Variants in SBF2 observed in about 807,000 individuals in gnomAD.
SBF2 encodes SET binding factor 2.
SBF2 carries 112 observed loss-of-function variants against 225.2 expected under a neutral mutation model. The ratio of observed to expected loss-of-function variants is 0.50; its 90% confidence interval spans 0.43 to 0.58. The LOEUF (loss-of-function observed/expected upper bound fraction) is 0.58, where lower values mean the gene tolerates loss of function less well. SBF2 is among the 20% of genes least tolerant of loss of function. SBF2 has a pLI of 0.00. For missense variants in SBF2, 1,996 were observed against 2,206.2 expected (o/e 0.90, Z 1.91); for synonymous variants, 763 against 773.3 (o/e 0.99, Z 0.22).
At chr11:9,907,481 T>C (rs1236829757) in intron 16 of SBF2, among the ~76,000 whole-genome samples, 1 of 152,194 alleles carries the variant, frequency 6.6e-6, no homozygotes, top group Non-Finnish European at 1.5e-5. Flanking sequence ...TCTTTCCAAG[T>C]ACAATGTTAA....
intron 1 of SBF2, among the ~76,000 whole-genome samples, chr11:10,215,533 G>A (rs1474877321): frequency 6.6e-6 from 1 of 152,134 alleles, no homozygotes. Context: ...CAAGGTGGGA[G>A]GATCGCTTGA....
At chr11:10,266,032 AT>A (rs1021849081) in intron 1 of SBF2, among the ~76,000 whole-genome samples, 1 of 151,864 alleles carries the variant, frequency 6.6e-6, no homozygotes, top group Admixed American at 6.6e-5. Flanking sequence ...CCAACCTGCC[AT>A]TTTTTTTAGT....
chr11:10,250,348 C>T (rs920777335), intron 1 of SBF2, among the ~76,000 whole-genome samples: 5 of 152,284 alleles, frequency 3.3e-5, no homozygotes, highest in Admixed American at 1.3e-4. Context: ...GTAAGTCCAA[C>T]GCTAAGCATG....
At chr11:9,908,488 G>A (rs985738728) in intron 16 of SBF2, among the ~76,000 whole-genome samples, 2 of 151,836 alleles carry the variant, frequency 1.3e-5, no homozygotes, top group Non-Finnish European at 2.9e-5. Flanking sequence ...TTAGCCAGGC[G>A]TGGTGGCGGG....
At chr11:9,965,675 C>A (rs1383633425) in intron 14 of SBF2, among the ~76,000 whole-genome samples, 1 of 152,156 alleles carries the variant, frequency 6.6e-6, no homozygotes, top group Non-Finnish European at 1.5e-5. Context: ...ACCCAGCTTC[C>A]CCCTATGGTG....
At chr11:10,167,865 A>G (rs1956035567) in intron 2 of SBF2, among the ~76,000 whole-genome samples, 1 of 152,104 alleles carries the variant, frequency 6.6e-6, no homozygotes, top group South Asian at 2.1e-4. Flanking sequence ...TAAAACTACA[A>G]GTATCAGCTG....
chr11:10,116,780 T>C (rs998263312), intron 2 of SBF2, among the ~76,000 whole-genome samples: 5 of 152,200 alleles, frequency 3.3e-5, no homozygotes, highest in African/African-American at 1.2e-4. Flanking sequence ...ACCCTCTTAC[T>C]AGCAGGAAAA....
intron 16 of SBF2, among the ~76,000 whole-genome samples, chr11:9,903,107 G>A (rs914086883): frequency 6.6e-6 from 1 of 152,084 alleles, no homozygotes; most frequent in African/African-American, 2.4e-5. Context: ...GGATCACGAG[G>A]TCAGGAGATC....
chr11:10,065,686 G>T (rs999558244), intron 2 of SBF2, among the ~76,000 whole-genome samples: 1 of 152,056 alleles, frequency 6.6e-6, no homozygotes, highest in Non-Finnish European at 1.5e-5. Context: ...GCACAGTGAC[G>T]CACGCCTGTA....
At chr11:9,819,029 T>A (rs1217129405) in intron 28 of SBF2, among the ~76,000 whole-genome samples, 1 of 152,212 alleles carries the variant, frequency 6.6e-6, no homozygotes, top group East Asian at 1.9e-4. Context: ...GCTGCATGAA[T>A]CTTTCTACGT....
At chr11:10,280,311 G>A (rs1963316993) in intron 1 of SBF2, among the ~76,000 whole-genome samples, 2 of 152,140 alleles carry the variant, frequency 1.3e-5, no homozygotes, top group South Asian at 4.1e-4. Context: ...CCAAATACAT[G>A]TGCTTGAGAC....
intron 6 of SBF2, among the ~76,000 whole-genome samples, chr11:10,008,851 A>G (rs1948316154): frequency 6.6e-6 from 1 of 152,228 alleles, no homozygotes; most frequent in African/African-American, 2.4e-5. Flanking sequence ...AGGTAGGACT[A>G]TAAGTTTTCT....
chr11:10,158,156 A>C (rs1280886698), intron 2 of SBF2, among the ~76,000 whole-genome samples: 1 of 152,198 alleles, frequency 6.6e-6, no homozygotes, highest in Non-Finnish European at 1.5e-5. Flanking sequence ...GAAAAAAATA[A>C]CGTATCAAAC....
chr11:9,791,273 A>G (rs1187146946), intron 33 of SBF2: 1 of 152,200 alleles, frequency 6.6e-6, no homozygotes, highest in Non-Finnish European at 1.5e-5. Context: ...TACTAACATG[A>G]GCCCACTTTG....
chr11:10,096,424 T>TAAAAAAA (rs563258126), intron 2 of SBF2, among the ~76,000 whole-genome samples: 58 of 126,040 alleles, frequency 4.6e-4, no homozygotes, highest in African/African-American at 1.6e-3. Context: ...CAAAGTTCTG[T>TAAAAAAA]AAAAAAAAAA....
intron 16 of SBF2, among the ~76,000 whole-genome samples, chr11:9,910,876 T>G (rs1862549167): frequency 8.1e-6 from 1 of 123,322 alleles, no homozygotes; most frequent in South Asian, 2.7e-4. Context: ...TGAAAACTTG[T>G]CTCTACTAAA....
chr11:10,162,091 T>G (rs977895738), intron 2 of SBF2, among the ~76,000 whole-genome samples: 33 of 152,210 alleles, frequency 2.2e-4, no homozygotes, highest in Middle Eastern at 3.4e-3. Context: ...AAGAGTGATA[T>G]CCTATATAGG....
intron 16 of SBF2, among the ~76,000 whole-genome samples, chr11:9,912,505 C>T (rs1862722439): frequency 2.0e-5 from 3 of 152,114 alleles, no homozygotes; most frequent in Admixed American, 1.3e-4. Context: ...TAGCTTGAAC[C>T]TGGGATGCGG....
At chr11:10,212,981 G>A (rs1294636219) in intron 1 of SBF2, among the ~76,000 whole-genome samples, 1 of 152,016 alleles carries the variant, frequency 6.6e-6, no homozygotes, top group African/African-American at 2.4e-5. Context: ...CCCGGGAGGC[G>A]GAGGTTGCAG....
Sources: gnomAD v4.1 joint callset for allele counts (sites outside exome capture counted in the v4.1 genomes callset) on GRCh38, gnomAD v4.1.1 for gene constraint, MANE v1.5 for transcripts, NCBI Gene and HGNC (gene_info 2026-07-23, HGNC 2026-07-21) for gene names.